Variants in ITGAL observed in about 807,000 individuals in gnomAD.
ITGAL encodes the protein integrin alpha-L.
In ITGAL, 68 loss-of-function variants were observed where a neutral mutation model predicts 138.4. That is an observed-to-expected ratio of 0.49 (90% CI 0.40 to 0.60). The LOEUF is 0.60. Among genes scored for constraint, ITGAL ranks in the 20% least tolerant of loss-of-function variants. The pLI is 0.00. For synonymous variants in ITGAL, 561 were observed against 584.3 expected (o/e 0.96, Z 0.57); for missense variants, 1,256 against 1,478.6 (o/e 0.85, Z 2.47).
At chr16:30,511,687 G>A (rs2051093505) in intron 24 of ITGAL, among the ~76,000 whole-genome samples, 1 of 152,180 alleles carries the variant, frequency 6.6e-6, no homozygotes, top group African/African-American at 2.4e-5. Flanking sequence ...AATACCCCTT[G>A]CCCTCAGGGA....
At chr16:30,486,018 G>A (rs2050641991) in intron 9 of ITGAL, among the ~76,000 whole-genome samples, 1 of 152,178 alleles carries the variant, frequency 6.6e-6, no homozygotes, top group Non-Finnish European at 1.5e-5. Context: ...CAGGCTGGCA[G>A]GGGCCAGTGT....
intron 7 of ITGAL, 136 bp downstream of exon 7, chr16:30,481,720 A>G: frequency 2.8e-6 from 2 of 717,808 alleles, no homozygotes; most frequent in East Asian, 5.2e-5. Context: ...GAAGTGGAAC[A>G]ATTTTACTGC....
intron 11 of ITGAL, among the ~76,000 whole-genome samples, chr16:30,493,354 G>A (rs971392437): frequency 2.6e-5 from 4 of 151,420 alleles, no homozygotes; most frequent in South Asian, 2.1e-4. Flanking sequence ...ATCTCAGCTC[G>A]CTTCAAGCTC....
At chr16:30,499,733 A>ATATATATATATATATTTTTT in intron 17 of ITGAL, among the ~76,000 whole-genome samples, 1 of 88,388 alleles carries the variant, frequency 1.1e-5, no homozygotes, top group African/African-American at 6.0e-5. Context: ...ATATATATAT[A>ATATATATATATATATTTTTT]TTTTTTTTTT....
chr16:30,499,687 GTA>G (rs1303849368), intron 17 of ITGAL, 198 bp downstream of exon 17: 3 of 103,534 alleles, frequency 2.9e-5, no homozygotes, highest in Non-Finnish European at 5.1e-5. Flanking sequence ...GTATATATAT[GTA>G]TATATATGTG....
rs2051083818 is a variant in ITGAL, at chr16:30,511,041, C to G, written c.2700-9C>G. ...TCCTAACACTGGCCTCTTCCTTGCC[C>G]CAATGCAGTAACAATGAGGACTCAG... is the stretch of plus-strand genomic sequence containing the variant. On this transcript the variant is annotated splice_polypyrimidine_tract_variant and intron_variant, in intron 23 of 30. Transcript: ENST00000356798. The G allele has an allele frequency of 6.2e-7, 1 of 1,613,404 alleles. No homozygotes were observed. The highest frequency in any genetic ancestry group is 1.3e-5 in the African/African-American group (1 of 74,988).
At position 30,498,775 on chromosome 16, in the gene ITGAL, C is replaced by T. The variant is rs1001815967; in HGVS notation, c.1833-299C>T. 1.8e-5 allele frequency: 5 copies of T among 270,664 alleles called. No individual in the cohort carries two copies. In the South Asian group the frequency reaches 2.3e-4, roughly 12 times the overall value. The allele number at this position is 270,664 out of a possible 1,614,324, so 16.8% of individuals were successfully genotyped here. On this transcript the variant is annotated intron_variant, in intron 15 of 30. Coordinates refer to ENST00000356798, the MANE Select transcript of ITGAL (RefSeq NM_002209.3). ...AGTTAGCCAGGTGTGGTGGCACATG[C>T]CTGTGGTCCCAGATCCTTGGGAGGC...
rs552173570 is a variant in ITGAL at position 30,479,949 on chromosome 16, A to AT, written c.576+494dup. On this transcript the variant is annotated intron_variant, in intron 6 of 30. Coordinates refer to ENST00000356798, the MANE Select transcript of ITGAL (RefSeq NM_002209.3). ...CAGGCGTGAGCCACCGTGCACAGCC[A>AT]TTTTTTCTTTTTGAGACAGGGTCTC... 7.3e-5 allele frequency among the ~76,000 whole-genome samples: 11 copies of AT among 151,510 alleles called. No homozygotes were observed. In the South Asian group the frequency reaches 2.1e-3, roughly 29 times the overall value.
At chr16:30,503,473 G>C (rs1754789473) in intron 17 of ITGAL, among the ~76,000 whole-genome samples, 1 of 137,612 alleles carries the variant, frequency 7.3e-6, no homozygotes, top group Non-Finnish European at 1.5e-5. Flanking sequence ...GAGGGGGACA[G>C]AAGGAGGGAG....
intron 21 of ITGAL, 92 bp from the exon 22 acceptor site, chr16:30,510,269 C>T (rs2051069930): frequency 5.3e-6 from 4 of 748,892 alleles, no homozygotes; most frequent in Admixed American, 1.8e-5. Context: ...AGGGACAGAG[C>T]CCCTGGGGGA....
chr16:30,498,667 G>A (rs957450839), intron 15 of ITGAL: 1 of 158,966 alleles, frequency 6.3e-6, no homozygotes, highest in African/African-American at 2.4e-5. Flanking sequence ...GGGAGCCCAA[G>A]CCGGGAGGAT....
chr16:30,512,328 T>G (rs1313417188), intron 24 of ITGAL, among the ~76,000 whole-genome samples: 1 of 152,166 alleles, frequency 6.6e-6, no homozygotes, highest in African/African-American at 2.4e-5. Flanking sequence ...GGCTCACACC[T>G]GTAATCCTAG....
chr16:30,474,439 G>A lies in ITGAL; in HGVS notation c.164+141G>A, dbSNP rs373135420. The A allele has an allele frequency of 1.9e-3, 1,217 of 625,954 alleles. 4 individuals carry two copies. The highest frequency in any genetic ancestry group is 6.5e-3 in the Middle Eastern group (15 of 2,310). 38.8% of individuals were successfully genotyped at this position (625,954 alleles called of 1,614,324 possible). A position where few individuals can be genotyped will look rare whatever the true frequency, so the allele number is the denominator to read the frequency against. ...GGGGTTCCCGTCTGGAGGAGCCTGT[G>A]GTGGGAATCCTCAGAGACAGGAGTG... is the stretch of plus-strand genomic sequence containing the variant. On this transcript the variant is annotated intron_variant, in intron 2 of 30. Transcript: ENST00000356798.
intron 13 of ITGAL, among the ~76,000 whole-genome samples, chr16:30,495,746 G>T (rs1439037673): frequency 6.6e-6 from 1 of 152,158 alleles, no homozygotes; most frequent in East Asian, 1.9e-4. Flanking sequence ...CTACTTGGGA[G>T]GCTGAGGTGG....
At chr16:30,483,454 A>G (rs1474735277) in intron 7 of ITGAL, among the ~76,000 whole-genome samples, 3 of 152,228 alleles carry the variant, frequency 2.0e-5, no homozygotes, top group Non-Finnish European at 4.4e-5. Flanking sequence ...CTTCAGCTGT[A>G]GGACCCTCTC....
chr16:30,483,781 G>A (rs767424365), intron 7 of ITGAL, 46 bp from the exon 8 acceptor site: 1 of 1,568,914 alleles, frequency 6.4e-7, no homozygotes, highest in Non-Finnish European at 8.7e-7. Flanking sequence ...GAGACCTCAG[G>A]CCCTAGTTTG....
chr16:30,479,389 G>C lies in ITGAL; in HGVS notation c.504G>C (p.Gln168His). The change falls in exon 6 of 31, where the codon CAG becomes CAC. Residue 168 changes from glutamine to histidine, a missense_variant. By Grantham distance (24) the Gln-to-His change is conservative. Around this residue, in one of 3 missense-constraint regions of ITGAL, gnomAD observed 177 missense variants for 288.8 expected, o/e 0.61. Transcript: ENST00000356798. ...VFLFDGSMSL[Q>H]PDEFQKILDF... ...TGTTTGATGGTTCGATGAGCTTGCA[G>C]CCAGATGAATTTCAGAAAATTCTGG... 6.2e-7 allele frequency: 1 copy of C among 1,614,096 alleles called. No homozygotes were observed. Among genetic ancestry groups the C allele is most frequent in the Non-Finnish European group, 8.5e-7 (1 of 1,179,998 alleles).
intron 7 of ITGAL, among the ~76,000 whole-genome samples, chr16:30,482,153 C>T (rs2050571253): frequency 6.6e-6 from 1 of 152,084 alleles, no homozygotes; most frequent in African/African-American, 2.4e-5. Flanking sequence ...CCTCACCCTC[C>T]CAAAGTGCTG....
intron 11 of ITGAL, among the ~76,000 whole-genome samples, chr16:30,490,465 C>A (rs993541569): frequency 7.2e-5 from 11 of 152,116 alleles, no homozygotes; most frequent in African/African-American, 2.7e-4. Flanking sequence ...GCTCGCCACC[C>A]TTCCTTGTGG....
Sources: gnomAD v4.1 joint callset for allele counts (sites outside exome capture counted in the v4.1 genomes callset) on GRCh38, gnomAD v4.1.1 for gene constraint, gnomAD v4.1.1 regional missense constraint, MANE v1.5 for transcripts, NCBI Gene and HGNC (gene_info 2026-07-23, HGNC 2026-07-21) for gene names.